CDH18: variants seen among roughly 807,000 people sequenced by gnomAD.
CDH18 encodes cadherin 18.
Under a neutral mutation model 67.9 loss-of-function variants are expected in CDH18, and 31 were observed. The observed-to-expected ratio is 0.46, with a 90% CI of 0.34 to 0.62. The LOEUF is 0.62. CDH18 is among the 20% of genes least tolerant of loss of function. CDH18 has a pLI of 0.01. For synonymous variants in CDH18, 362 were observed against 347.2 expected, an observed-to-expected ratio of 1.04 and a Z score of -0.48; for missense variants, 890 against 975.5, an observed-to-expected ratio of 0.91 and a Z score of 1.17.
intron 2 of CDH18, among the ~76,000 whole-genome samples, chr5:20,122,556 CTGAT>C (rs1366652177): frequency 2.0e-5 from 3 of 151,930 alleles, no homozygotes; most frequent in African/African-American, 4.8e-5. Context: ...CTTGACGTGA[CTGAT>C]TAATATTAAA....
chr5:20,453,403 A>G (rs1180981939), intron 1 of CDH18, among the ~76,000 whole-genome samples: 1 of 152,180 alleles, frequency 6.6e-6, no homozygotes, highest in East Asian at 1.9e-4. Flanking sequence ...CTAACAGGCT[A>G]CAAGTCCATG....
chr5:20,314,507 A>C (rs1737284197), intron 1 of CDH18, among the ~76,000 whole-genome samples: 1 of 152,118 alleles, frequency 6.6e-6, no homozygotes, highest in Non-Finnish European at 1.5e-5. Flanking sequence ...TTAGATGAAA[A>C]TGAATGAAAG....
rs1277620156 is a variant in CDH18 at position 19,784,552 on chromosome 5, T to G, written c.229-37316A>C. 2.6e-5 allele frequency among the ~76,000 whole-genome samples: 4 copies of G among 152,216 alleles called. No individual in the cohort carries two copies. In the South Asian group the frequency reaches 8.3e-4, roughly 31 times the overall value. On this transcript the variant is annotated intron_variant, in intron 3 of 12. Transcript: ENST00000382275. ...TTTGCTATAAAACAATGCTTGAAAT[T>G]TTTTATGCATTCATTCTTGTGTACA...
At chr5:19,911,687 C>A (rs1373159284) in intron 2 of CDH18, among the ~76,000 whole-genome samples, 1 of 151,540 alleles carries the variant, frequency 6.6e-6, no homozygotes, top group Non-Finnish European at 1.5e-5. Context: ...ACCAAATCCA[C>A]CAGCATTTTC....
At chr5:20,082,632 C>T (rs1744582183) in intron 2 of CDH18, among the ~76,000 whole-genome samples, 1 of 152,074 alleles carries the variant, frequency 6.6e-6, no homozygotes, top group South Asian at 2.1e-4. Context: ...AAGTCTAATT[C>T]CCAATAGCTC....
intron 2 of CDH18, among the ~76,000 whole-genome samples, chr5:19,941,790 A>G (rs1949013): frequency 0.029 from 4,362 of 152,044 alleles, 223 homozygotes; most frequent in East Asian, 0.21. Context: ...CTGCCTCTCA[A>G]AAAAAACAAA....
chr5:19,997,672 T>A (rs983896966), intron 2 of CDH18, among the ~76,000 whole-genome samples: 1 of 152,186 alleles, frequency 6.6e-6, no homozygotes, highest in Non-Finnish European at 1.5e-5. Context: ...CAGCATTTGC[T>A]TCAACTGATT....
chr5:20,358,932 C>CTTTTT (rs66786530), intron 1 of CDH18, among the ~76,000 whole-genome samples: 6 of 128,152 alleles, frequency 4.7e-5, no homozygotes, highest in South Asian at 2.5e-4. Flanking sequence ...TTTTTTCTTT[C>CTTTTT]TTTTTTTTTT....
At chr5:19,627,529 A>ATGT (rs1307219222) in intron 5 of CDH18, among the ~76,000 whole-genome samples, 15 of 152,226 alleles carry the variant, frequency 9.9e-5, no homozygotes, top group Non-Finnish European at 2.1e-4. Context: ...GAGTTCAGTA[A>ATGT]AAATCAATGT....
chr5:20,555,824 C>T (rs1226573029), intron 1 of CDH18, among the ~76,000 whole-genome samples: 2 of 151,314 alleles, frequency 1.3e-5, no homozygotes, highest in Admixed American at 6.6e-5. Flanking sequence ...TCCTATTTTA[C>T]TTTGTTCTTC....
At chr5:20,537,547 A>G (rs1349465601) in intron 1 of CDH18, among the ~76,000 whole-genome samples, 1 of 152,152 alleles carries the variant, frequency 6.6e-6, no homozygotes, top group Non-Finnish European at 1.5e-5. Context: ...TTAAAAGCCT[A>G]GAAATAAAAG....
At chr5:19,489,578 T>C (rs1484964812) in intron 11 of CDH18, among the ~76,000 whole-genome samples, 2 of 152,194 alleles carry the variant, frequency 1.3e-5, no homozygotes, top group Non-Finnish European at 2.9e-5. Context: ...TGCTACACAG[T>C]AGCTCTTCTA....
At chr5:20,097,686 C>T (rs1268243746) in intron 2 of CDH18, among the ~76,000 whole-genome samples, 1 of 151,882 alleles carries the variant, frequency 6.6e-6, no homozygotes, top group Non-Finnish European at 1.5e-5. Context: ...TGTCATTTGC[C>T]AACATAATAC....
intron 1 of CDH18, among the ~76,000 whole-genome samples, chr5:20,573,580 C>T (rs866215381): frequency 1.5e-4 from 23 of 151,116 alleles, no homozygotes; most frequent in South Asian, 1.0e-3. Flanking sequence ...TATTAAAATA[C>T]AATTTTGAAT....
At chr5:19,996,585 C>G (rs1579989853) in intron 2 of CDH18, among the ~76,000 whole-genome samples, 1 of 151,966 alleles carries the variant, frequency 6.6e-6, no homozygotes, top group Non-Finnish European at 1.5e-5. Context: ...TCCTCACTAC[C>G]TTCTAACAAT....
At chr5:20,114,880 T>C (rs1325422877) in intron 2 of CDH18, among the ~76,000 whole-genome samples, 1 of 152,126 alleles carries the variant, frequency 6.6e-6, no homozygotes, top group Non-Finnish European at 1.5e-5. Context: ...AATCCAGTAA[T>C]AGTTGTTGAG....
intron 2 of CDH18, among the ~76,000 whole-genome samples, chr5:20,200,260 T>C (rs946590341): frequency 6.6e-6 from 1 of 152,224 alleles, no homozygotes; most frequent in African/African-American, 2.4e-5. Context: ...GTACTAGTGA[T>C]AGAACACCCA....
intron 5 of CDH18, among the ~76,000 whole-genome samples, chr5:19,626,510 G>A (rs1237213938): frequency 6.6e-6 from 1 of 152,100 alleles, no homozygotes; most frequent in African/African-American, 2.4e-5. Flanking sequence ...CCTTCAATTG[G>A]GATAGAGGTT....
At chr5:20,110,831 C>G (rs185596652) in intron 2 of CDH18, among the ~76,000 whole-genome samples, 149 of 152,198 alleles carry the variant, frequency 9.8e-4, no homozygotes, top group African/African-American at 3.5e-3. Context: ...TAAAAGCACA[C>G]TTTTATTTTT....
Sources: gnomAD v4.1 joint callset for allele counts (sites outside exome capture counted in the v4.1 genomes callset) on GRCh38, gnomAD v4.1.1 for gene constraint, MANE v1.5 for transcripts, NCBI Gene and HGNC (gene_info 2026-07-23, HGNC 2026-07-21) for gene names.